Variants in TG observed in about 807,000 individuals in gnomAD.
TG encodes the protein thyroglobulin.
Under a neutral mutation model 324.7 loss-of-function variants are expected in TG, and 270 were observed. That is an observed-to-expected ratio of 0.83 (90% confidence interval 0.75 to 0.92). TG has a LOEUF of 0.92. TG is among the 40% of genes least tolerant of loss of function. The pLI, the probability that TG is intolerant of heterozygous loss-of-function variation, is 0.00. For synonymous variants in TG, 1,401 were observed against 1,327.0 expected, an observed-to-expected ratio of 1.06 and a Z score of -1.21; for missense variants, 3,591 against 3,456.4, an observed-to-expected ratio of 1.04 and a Z score of -0.98.
At chr8:132,915,614 C>A (rs1052414961) in intron 20 of TG, among the ~76,000 whole-genome samples, 4 of 152,200 alleles carry the variant, frequency 2.6e-5, no homozygotes, top group Non-Finnish European at 5.9e-5. Context: ...GCAAACCTTT[C>A]CTGTAAAGGG....
At chr8:133,014,427 CAG>C (rs1208948621) in intron 37 of TG, among the ~76,000 whole-genome samples, 1 of 152,180 alleles carries the variant, frequency 6.6e-6, no homozygotes, top group Non-Finnish European at 1.5e-5. Flanking sequence ...GAACAGGAAA[CAG>C]GGACTGGGCA....
At chr8:132,882,016 T>G in intron 6 of TG, 47 bp downstream of exon 6, 1 of 1,378,418 alleles carries the variant, frequency 7.3e-7, no homozygotes, top group Non-Finnish European at 1.0e-6. Context: ...GTGTGATTCC[T>G]CAGGTCTGAA....
intron 41 of TG, among the ~76,000 whole-genome samples, chr8:133,089,670 ACTCC>A (rs1847187689): frequency 6.6e-6 from 1 of 151,308 alleles, no homozygotes; most frequent in Non-Finnish European, 1.5e-5. Flanking sequence ...TCATTTGTTC[ACTCC>A]CTCACTCATA....
intron 41 of TG, chr8:133,038,421 C>T (rs539153951): frequency 2.0e-5 from 17 of 868,448 alleles, no homozygotes; most frequent in East Asian, 7.2e-5. Context: ...TTCTAAAATA[C>T]GTGAGGCTCC....
At chr8:133,095,307 C>T (rs1848237861) in intron 42 of TG, 99 bp downstream of exon 42, 2 of 1,536,372 alleles carry the variant, frequency 1.3e-6, no homozygotes, top group East Asian at 4.5e-5. Flanking sequence ...CCAGCCATAC[C>T]ACACATGAGG....
intron 27 of TG, among the ~76,000 whole-genome samples, chr8:132,959,541 G>C (rs578224748): frequency 6.6e-6 from 1 of 152,166 alleles, no homozygotes; most frequent in Non-Finnish European, 1.5e-5. Flanking sequence ...AGTATATAGA[G>C]CGTCTAGGCT....
In TG at chr8:132,888,038, C is replaced by T. The variant is rs1815679042; in HGVS notation, c.2231C>T (p.Ala744Val). The T allele has an allele frequency of 6.2e-7, 1 of 1,614,180 alleles. No individual in the cohort carries two copies. Residue 744 changes from alanine to valine, a missense_variant, in exon 10 of 48, where the codon GCC becomes GTC. Transcript: ENST00000220616. ...SEQAFLRTVQ[A>V]LLSNSSMLPT... ...CAAGCTTTCCTCAGGACGGTGCAGGCCCTGCTCTCTAACTCCAGCATGCTA... is the reference window on the plus strand; with the variant it reads ...CAAGCTTTCCTCAGGACGGTGCAGGTCCTGCTCTCTAACTCCAGCATGCTA...
At position 133,095,060 on chromosome 8, in the gene TG, C is replaced by A. The variant is rs753468842; in HGVS notation, c.7256C>A (p.Ser2419Tyr). Reference protein sequence around the residue: ...RAVLMGGSALSPAAVISHERA... With the variant: ...RAVLMGGSALYPAAVISHERA... ...CTCTTCCAGGGAGGCTCCGCACTCT[C>A]CCCGGCCGCCGTCATCAGCCATGAG... The change falls in exon 42 of 48, where the codon TCC (serine) becomes TAC (tyrosine). Residue 2419 changes from serine (S) to tyrosine (Y), a missense_variant. Transcript: ENST00000220616. 6.8e-6 allele frequency: 11 copies of A among 1,613,704 alleles called. No homozygotes were observed. The highest frequency in any genetic ancestry group is 1.7e-5 in the Admixed American group (1 of 60,004).
intron 34 of TG, among the ~76,000 whole-genome samples, chr8:132,979,795 T>A (rs961130799): frequency 2.1e-4 from 32 of 152,032 alleles, no homozygotes; most frequent in Non-Finnish European, 4.1e-4. Flanking sequence ...AACCCTCTGT[T>A]CCAGTGATTC....
intron 5 of TG, among the ~76,000 whole-genome samples, chr8:132,880,526 A>G (rs1328939849): frequency 6.6e-6 from 1 of 152,244 alleles, no homozygotes; most frequent in Non-Finnish European, 1.5e-5. Context: ...CAACACGCTT[A>G]CTGTAACATT....
intron 4 of TG, 117 bp from the exon 5 acceptor site, chr8:132,872,945 C>G: frequency 8.8e-7 from 1 of 1,131,746 alleles, no homozygotes; most frequent in Non-Finnish European, 1.3e-6. Flanking sequence ...AACCGCCGAA[C>G]GATGCATTTC....
intron 27 of TG, among the ~76,000 whole-genome samples, chr8:132,952,579 T>A (rs1437233673): frequency 6.6e-6 from 1 of 152,206 alleles, no homozygotes; most frequent in East Asian, 1.9e-4. Context: ...TATCAGGCTA[T>A]GGTTCAACAC....
chr8:132,876,317 AG>A (rs927009078), intron 5 of TG, among the ~76,000 whole-genome samples: 61 of 152,222 alleles, frequency 4.0e-4, no homozygotes, highest in African/African-American at 1.4e-3. Context: ...TATGGAGGTG[AG>A]GGTCGGGGGG....
rs772075330 is a variant in TG at position 132,887,415 on chromosome 8, C to T, written c.2043C>T (p.Thr681=). The T allele has an allele frequency of 2.5e-6, 4 of 1,614,074 alleles. No individual in the cohort carries two copies. In the East Asian group the frequency reaches 6.7e-5, roughly 27 times the overall value. ...SLMGSQPAGS[T]LFVPACTSEG... ...TGGGCAGCCAGCCTGCTGGCTCCAC[C>T]TTGTTTGTCCCTGCTTGTACTAGTG... Residue 681 remains threonine, a synonymous_variant, in exon 9 of 48, where the codon ACC becomes ACT. Coordinates refer to ENST00000220616, the MANE Select transcript of TG (RefSeq NM_003235.5).
At position 132,923,330 on chromosome 8, in the gene TG, G is replaced by T. The variant is rs765724593; in HGVS notation, c.4529-8G>T. ...TTATTGACGGCTATGTCAATCTATT[G>T]GTTCTAGGTGTCACTGACTGTCAGA... On this transcript the variant is annotated splice_polypyrimidine_tract_variant and splice_region_variant and intron_variant, in intron 21 of 47. Coordinates refer to ENST00000220616, the MANE Select transcript of TG (RefSeq NM_003235.5). The T allele has an allele frequency of 6.2e-7, 1 of 1,614,046 alleles. No individual in the cohort carries two copies. The highest frequency in any genetic ancestry group is 8.5e-7 in the Non-Finnish European group (1 of 1,179,994).
chr8:132,998,011 A>T (rs1269095834), intron 35 of TG, among the ~76,000 whole-genome samples: 3 of 152,116 alleles, frequency 2.0e-5, no homozygotes, highest in Non-Finnish European at 4.4e-5. Flanking sequence ...GTCGGTGTCG[A>T]GGGACACACT....
At chr8:133,088,283 G>A (rs1846942250) in intron 41 of TG, among the ~76,000 whole-genome samples, 1 of 151,916 alleles carries the variant, frequency 6.6e-6, no homozygotes, top group South Asian at 2.1e-4. Flanking sequence ...TCCTCCTCTT[G>A]CTGTCCCAGC....
chr8:132,981,184 C>T (rs1023188093), intron 34 of TG, among the ~76,000 whole-genome samples: 5 of 152,186 alleles, frequency 3.3e-5, no homozygotes, highest in Non-Finnish European at 7.3e-5. Flanking sequence ...AGTAAAGCAA[C>T]GCAGCAGACT....
intron 21 of TG, among the ~76,000 whole-genome samples, chr8:132,921,228 CACAA>C (rs1328852898): frequency 3.3e-5 from 5 of 152,288 alleles, no homozygotes; most frequent in African/African-American, 9.6e-5. Context: ...AAGGGAGGGA[CACAA>C]ACAATCAGTC....
Sources: gnomAD v4.1 joint callset for allele counts (sites outside exome capture counted in the v4.1 genomes callset) on GRCh38, gnomAD v4.1.1 for gene constraint, MANE v1.5 for transcripts, NCBI Gene and HGNC (gene_info 2026-07-23, HGNC 2026-07-21) for gene names.